Variants in ZFHX3 observed in about 807,000 individuals in gnomAD.
ZFHX3 encodes zinc finger homeobox 3, also known as zinc finger homeobox protein 3.
In ZFHX3, 42 loss-of-function variants were observed where a neutral mutation model predicts 279.1. The observed-to-expected ratio is 0.15, with a 90% CI of 0.12 to 0.19. The LOEUF (loss-of-function observed/expected upper bound fraction) is 0.19, where lower values mean the gene tolerates loss of function less well. ZFHX3 is among the 10% of genes least tolerant of loss of function. The probability of loss-of-function intolerance (pLI) is 1.00; values close to 1 mark genes in which losing one functional copy is unlikely to be tolerated. For missense variants in ZFHX3, 4,981 were observed against 4,754.0 expected (o/e 1.05, Z -1.40); for synonymous variants, 2,293 against 1,957.8 (o/e 1.17, Z -4.52).
At chr16:73,484,122 C>A (rs2018928791) in intron 2 of ZFHX3, among the ~76,000 whole-genome samples, 1 of 151,910 alleles carries the variant, frequency 6.6e-6, no homozygotes, top group Non-Finnish European at 1.5e-5. Flanking sequence ...GTAGGAAAGG[C>A]GCAGTTGTGC....
chr16:73,122,033 A>G (rs1966505387), intron 7 of ZFHX3, among the ~76,000 whole-genome samples: 1 of 151,992 alleles, frequency 6.6e-6, no homozygotes, highest in African/African-American at 2.4e-5. Context: ...ATTAATTCAT[A>G]TTGTCTTCGT....
intron 5 of ZFHX3, among the ~76,000 whole-genome samples, chr16:73,213,359 CTT>C (rs1272580960): frequency 6.6e-6 from 1 of 152,206 alleles, no homozygotes; most frequent in Non-Finnish European, 1.5e-5. Flanking sequence ...CTTTCCTTCT[CTT>C]TTCTCTCAAC....
intron 3 of ZFHX3, among the ~76,000 whole-genome samples, chr16:73,436,055 C>T (rs1051483054): frequency 5.3e-5 from 8 of 152,190 alleles, no homozygotes; most frequent in Non-Finnish European, 1.0e-4. Context: ...GGTAGCCCGG[C>T]GCGGTGGCTC....
intron 3 of ZFHX3, among the ~76,000 whole-genome samples, chr16:73,413,214 A>G (rs1400627002): frequency 6.6e-6 from 1 of 152,260 alleles, no homozygotes; most frequent in Non-Finnish European, 1.5e-5. Context: ...ATAGTTCAAG[A>G]GGCCCTTGCC....
At chr16:73,535,135 C>A (rs879469457) in intron 2 of ZFHX3, among the ~76,000 whole-genome samples, 6 of 152,096 alleles carry the variant, frequency 3.9e-5, no homozygotes, top group African/African-American at 7.2e-5. Flanking sequence ...GACACTATGT[C>A]CCTGAATGGA....
At chr16:73,066,871 C>G (rs901949545) in intron 8 of ZFHX3, among the ~76,000 whole-genome samples, 1 of 152,178 alleles carries the variant, frequency 6.6e-6, no homozygotes, top group African/African-American at 2.4e-5. Flanking sequence ...GCGCCCTCCT[C>G]CCCCCAGCCC....
At position 72,785,976 on chromosome 16, in the gene ZFHX3, C is replaced by T. The variant is rs533622483; in HGVS notation, c.*1188G>A. 2 of 152,230 alleles carry T rather than the reference C, an allele frequency of 1.3e-5. No individual in the cohort carries two copies. The highest frequency in any genetic ancestry group is 4.1e-4 in the South Asian group (2 of 4,830). 9.4% of individuals were successfully genotyped at this position (152,230 alleles called of 1,614,324 possible). ...CCCCTAGAATCCCTTGAAATTCTTT[C>T]TTTAGTTTTATAAAATAATTCTGCA... On this transcript the variant is annotated 3_prime_UTR_variant, in exon 10 of 10. Coordinates refer to ENST00000268489, the MANE Select transcript of ZFHX3 (RefSeq NM_006885.4).
chr16:73,087,418 A>G (rs1448489988), intron 8 of ZFHX3, among the ~76,000 whole-genome samples: 6 of 152,224 alleles, frequency 3.9e-5, no homozygotes, highest in Admixed American at 3.9e-4. Flanking sequence ...ACAGAGGCAC[A>G]AGGGAACCTC....
intron 2 of ZFHX3, among the ~76,000 whole-genome samples, chr16:73,619,953 C>A (rs1024882496): frequency 6.6e-6 from 1 of 152,152 alleles, no homozygotes; most frequent in Admixed American, 6.5e-5. Context: ...ATCTAGCACC[C>A]TAGTAGGCTT....
At chr16:73,640,709 G>T (rs1240740737) in intron 2 of ZFHX3, among the ~76,000 whole-genome samples, 1 of 87,320 alleles carries the variant, frequency 1.1e-5, no homozygotes, top group South Asian at 4.5e-4. Context: ...ATCCAGGCAA[G>T]TTCAACATCT....
At chr16:73,507,017 C>T (rs868498656) in intron 2 of ZFHX3, among the ~76,000 whole-genome samples, 1 of 152,176 alleles carries the variant, frequency 6.6e-6, no homozygotes, top group African/African-American at 2.4e-5. Flanking sequence ...AAGTGGAATG[C>T]GTCTTCCTTC....
At chr16:73,776,004 C>A (rs1693316956) in intron 1 of ZFHX3, among the ~76,000 whole-genome samples, 1 of 152,172 alleles carries the variant, frequency 6.6e-6, no homozygotes. Flanking sequence ...GTACTAAATT[C>A]TTGCTTTTGT....
rs141511982 is a variant in ZFHX3, at chr16:73,413,546, A to C, written c.-1291+42457T>G. Among the ~76,000 whole-genome samples the C allele has an allele frequency of 1.0e-3, 157 of 152,330 alleles. 2 individuals carry two copies. Among genetic ancestry groups the C allele is most frequent in the Middle Eastern group, 3.4e-3 (1 of 294 alleles). ...AAGCTCCTACAATTAGCAAAAGGCA[A>C]TCAGTAGCTCTATGCTGGGGGCTGG... On this transcript the variant is annotated intron_variant, in intron 3 of 17. Coordinates refer to the ZFHX3 transcript ENST00000641206.
intron 1 of ZFHX3, among the ~76,000 whole-genome samples, chr16:73,877,439 T>G (rs1290657020): frequency 6.6e-6 from 1 of 152,150 alleles, no homozygotes; most frequent in Non-Finnish European, 1.5e-5. Context: ...CTATGGTGAT[T>G]GGTGATATTG....
rs187735025 is a variant in ZFHX3 at position 73,541,694 on chromosome 16, G to A, written c.-1546-85436C>T. On this transcript the variant is annotated intron_variant, in intron 2 of 17. Transcript: ENST00000641206. ...TGGGACGCTTGGATGAGAGAGAGGC[G>A]GCTCGCGAGGCAAATACGGGAGTGC... 1.9e-4 allele frequency among the ~76,000 whole-genome samples: 29 copies of A among 151,646 alleles called. No individual in the cohort carries two copies. The East Asian group carries it at 2.9e-3, about 15-fold the overall frequency.
intron 1 of ZFHX3, among the ~76,000 whole-genome samples, chr16:73,053,365 C>CG (rs929201276): frequency 6.6e-6 from 1 of 152,012 alleles, no homozygotes; most frequent in African/African-American, 2.4e-5. Flanking sequence ...GGGGAGGCTG[C>CG]GGGGGCAAGG....
chr16:73,816,762 A>T (rs1257893484), intron 1 of ZFHX3, among the ~76,000 whole-genome samples: 1 of 152,170 alleles, frequency 6.6e-6, no homozygotes, highest in Non-Finnish European at 1.5e-5. Flanking sequence ...AGAGGACCAG[A>T]CTGGATGGTT....
intron 2 of ZFHX3, among the ~76,000 whole-genome samples, chr16:73,557,007 A>G (rs1031770455): frequency 1.4e-5 from 2 of 145,100 alleles, no homozygotes; most frequent in African/African-American, 5.0e-5. Flanking sequence ...AGGCAGGAGA[A>G]TGGCATCAAC....
intron 1 of ZFHX3, among the ~76,000 whole-genome samples, chr16:72,997,121 A>G (rs569130832): frequency 3.1e-4 from 47 of 152,334 alleles, no homozygotes; most frequent in African/African-American, 1.1e-3. Context: ...TAACTTTTCT[A>G]TAAGGGCACA....
Sources: gnomAD v4.1 joint callset for allele counts (sites outside exome capture counted in the v4.1 genomes callset) on GRCh38, gnomAD v4.1.1 for gene constraint, MANE v1.5 for transcripts, NCBI Gene and HGNC (gene_info 2026-07-23, HGNC 2026-07-21) for gene names.